The following PREX1 variants were observed in gnomAD, a reference collection of about 807,000 sequenced individuals.
PREX1 encodes the protein phosphatidylinositol 3,4,5-trisphosphate-dependent Rac exchanger 1 protein.
PREX1 carries 41 observed loss-of-function variants against 198.3 expected under a neutral mutation model. The observed-to-expected ratio is 0.21, with a 90% CI of 0.16 to 0.27. PREX1 has a LOEUF of 0.27. Among genes scored for constraint, PREX1 ranks in the 10% least tolerant of loss-of-function variants. PREX1 has a pLI of 1.00. For missense variants in PREX1, 1,620 were observed against 2,200.7 expected (o/e 0.74, Z 5.28); for synonymous variants, 843 against 887.2 (o/e 0.95, Z 0.89).
intron 1 of PREX1, among the ~76,000 whole-genome samples, chr20:48,789,000 T>C (rs553458258): frequency 4.3e-4 from 66 of 152,222 alleles, no homozygotes; most frequent in Non-Finnish European, 7.5e-4. Flanking sequence ...TCAGCTTCCA[T>C]AACTGTAAGA....
intron 25 of PREX1, among the ~76,000 whole-genome samples, chr20:48,646,779 C>T (rs375497566): frequency 3.9e-5 from 6 of 152,082 alleles, no homozygotes; most frequent in African/African-American, 9.7e-5. Flanking sequence ...TAGGGTGTGA[C>T]GGTTAAGAGC....
chr20:48,682,317 T>C (rs780395586), intron 10 of PREX1, among the ~76,000 whole-genome samples: 9 of 152,160 alleles, frequency 5.9e-5, no homozygotes, highest in Non-Finnish European at 1.3e-4. Flanking sequence ...CTACCTCATT[T>C]AAAATGGTCC....
At chr20:48,681,475 A>C (rs1484288621) in intron 10 of PREX1, 140 bp from the exon 11 acceptor site, 7 of 796,514 alleles carry the variant, frequency 8.8e-6, no homozygotes, top group Non-Finnish European at 1.5e-5. Flanking sequence ...GTAGTAGTCT[A>C]TAGCCCTTGG....
At chr20:48,862,070 C>A in the PREX1 span, among the ~76,000 whole-genome samples, 20 of 152,114 alleles carry the variant, frequency 1.3e-4, no homozygotes, top group African/African-American at 4.8e-4. Flanking sequence ...GTTAGACAAG[C>A]TTGGTGGCAC....
chr20:48,646,179 G>A (rs550614504), intron 25 of PREX1, 122 bp from the exon 26 acceptor site: 12 of 959,356 alleles, frequency 1.3e-5, no homozygotes, highest in Admixed American at 6.5e-5. Context: ...TGGGAGACTC[G>A]CAAGTTCTTT....
the PREX1 span, among the ~76,000 whole-genome samples, chr20:48,883,538 C>T: frequency 0.8 from 122,326 of 152,046 alleles, 49,916 homozygotes; most frequent in African/African-American, 0.93. Flanking sequence ...AATAAACAAG[C>T]TTAGCAAAGC....
chr20:48,679,247 G>A, intron 13 of PREX1, 113 bp downstream of exon 13: 2 of 887,960 alleles, frequency 2.3e-6, no homozygotes, highest in Non-Finnish European at 3.6e-6. Context: ...GCCACTGCAA[G>A]CCCCATTTAA....
Position 48,735,597 on chromosome 20 carries a change from ATAGTACAGGCTGCCCAGCATG to A in PREX1, c.415-968_415-948del, listed in dbSNP as rs912027421. 1.0e-3 allele frequency among the ~76,000 whole-genome samples: 155 copies of A among 151,902 alleles called. 2 individuals carry two copies. The South Asian group carries it at 0.021, about 20-fold the overall frequency. ...CTAACACAGAGTACATACCCAGCAC[ATAGTACAGGCTGCCCAGCATG>A]TAGTACAGGCTGCCCAGCATGTAGT... On this transcript the variant is annotated intron_variant, in intron 3 of 39. Coordinates refer to ENST00000371941, the MANE Select transcript of PREX1 (RefSeq NM_020820.4).
chr20:48,629,940 T>C (rs4611697), intron 36 of PREX1, among the ~76,000 whole-genome samples: 12,913 of 152,164 alleles, frequency 0.085, 625 homozygotes, highest in South Asian at 0.15. Flanking sequence ...TCTCCCAGCC[T>C]GTCAAGACCA....
At chr20:48,723,391 A>G (rs1229979337) in intron 5 of PREX1, among the ~76,000 whole-genome samples, 5 of 152,014 alleles carry the variant, frequency 3.3e-5, no homozygotes, top group Admixed American at 3.3e-4. Flanking sequence ...GGTGGGGGGG[A>G]CAGAATTCCC....
chr20:48,632,613 C>T lies in PREX1; in HGVS notation c.4294G>A (p.Gly1432Ser). Reference sequence around the variant, plus strand: ...ATGACCTTCAGCGCCTGCCGGCTGCCCTCAATGTGGTAGAAGACGTTGGTG... The same window carrying T: ...ATGACCTTCAGCGCCTGCCGGCTGCTCTCAATGTGGTAGAAGACGTTGGTG... ...ANTNVFYHIE[G>S]SRQALKVIFY... Residue 1432 changes from glycine (G) to serine (S), a missense_variant, in exon 34 of 40, where the codon GGC becomes AGC. Transcript: ENST00000371941. 1 of 1,613,948 alleles carries T rather than the reference C, an allele frequency of 6.2e-7. No homozygotes were observed. The highest frequency in any genetic ancestry group is 8.5e-7 in the Non-Finnish European group (1 of 1,179,920).
rs576838848 is a variant in PREX1 at position 48,659,840 on chromosome 20, A to G, written c.1881+79T>C. 4.4e-6 allele frequency: 7 copies of G among 1,593,182 alleles called. No homozygotes were observed. In the East Asian group the frequency reaches 1.1e-4, roughly 25 times the overall value. ...CCAAGCTGAGCCCCCTTCCCTGTGC[A>G]TAACCAGAAGGTCGCCCAGCTCCCA... On this transcript the variant is annotated intron_variant, in intron 16 of 39. Transcript: ENST00000371941.
At chr20:48,651,363 G>C in intron 22 of PREX1, 33 bp downstream of exon 22, 1 of 1,566,374 alleles carries the variant, frequency 6.4e-7, no homozygotes, top group Non-Finnish European at 8.7e-7. Context: ...AATCCCCCAG[G>C]GTAGGGCAGG....
At chr20:48,808,066 A>AG (rs1387484564) in intron 1 of PREX1, among the ~76,000 whole-genome samples, 1 of 152,118 alleles carries the variant, frequency 6.6e-6, no homozygotes, top group Non-Finnish European at 1.5e-5. Context: ...AGGAAAGGGG[A>AG]GGGGGGCACT....
At chr20:48,715,421 T>A (rs145382630) in intron 5 of PREX1, among the ~76,000 whole-genome samples, 1 of 152,310 alleles carries the variant, frequency 6.6e-6, no homozygotes, top group East Asian at 1.9e-4. Context: ...TTATTCTAGC[T>A]CAAACCCATT....
chr20:48,666,415 C>T lies in PREX1; in HGVS notation c.1666-60G>A. The T allele has an allele frequency of 7.0e-7, 1 of 1,424,304 alleles. No homozygotes were observed. The highest frequency in any genetic ancestry group is 9.6e-7 in the Non-Finnish European group (1 of 1,040,030). 88.2% of individuals were successfully genotyped at this position (1,424,304 alleles called of 1,614,324 possible). On this transcript the variant is annotated intron_variant, in intron 14 of 39. Coordinates refer to ENST00000371941, the MANE Select transcript of PREX1 (RefSeq NM_020820.4). The surrounding 1 kb of genome is among the most constrained non-coding windows in gnomAD (Gnocchi z 4.3). ...GCAGCATCCGAGAGGCCATGCATGG[C>T]CAACGAGAAGCCCACAACCACCCAA...
At chr20:48,766,827 T>TGGAC (rs1424998304) in intron 1 of PREX1, among the ~76,000 whole-genome samples, 1 of 152,216 alleles carries the variant, frequency 6.6e-6, no homozygotes, top group Non-Finnish European at 1.5e-5. Flanking sequence ...AGTGAGTGGA[T>TGGAC]GGACGGGTAG....
chr20:48,741,762 G>A (rs1483487497), intron 3 of PREX1, among the ~76,000 whole-genome samples: 1 of 152,178 alleles, frequency 6.6e-6, no homozygotes, highest in Non-Finnish European at 1.5e-5. Flanking sequence ...CGGAGAAGAT[G>A]GCATTTCCAA....
At chr20:48,630,988 C>T (rs979895612) in intron 35 of PREX1, among the ~76,000 whole-genome samples, 194 bp from the exon 36 acceptor site, 2 of 152,066 alleles carry the variant, frequency 1.3e-5, no homozygotes, top group Non-Finnish European at 2.9e-5. Flanking sequence ...GAAAGAGGGG[C>T]CTCCTGAGCA....
Sources: allele counts gnomAD v4.1 joint callset (sites outside exome capture counted in the v4.1 genomes callset), GRCh38; gene constraint gnomAD v4.1.1; non-coding constraint Gnocchi (gnomAD v3.1); transcripts MANE v1.5; gene names NCBI Gene and HGNC (gene_info 2026-07-23, HGNC 2026-07-21).